SNRNP200: variants seen among roughly 807,000 people sequenced by gnomAD.
The protein encoded by SNRNP200 is U5 small nuclear ribonucleoprotein 200 kDa helicase.
Under a neutral mutation model 255.2 loss-of-function variants are expected in SNRNP200, and 66 were observed. That is an observed-to-expected ratio of 0.26 (90% CI 0.21 to 0.32). The LOEUF (loss-of-function observed/expected upper bound fraction) is 0.32, where lower values mean the gene tolerates loss of function less well. Ranked by LOEUF, SNRNP200 falls within the 10% of genes least tolerant of loss-of-function variation. The pLI is 1.00. For missense variants in SNRNP200, 1,585 were observed against 2,749.8 expected, an observed-to-expected ratio of 0.58 and a Z score of 9.47; for synonymous variants, 939 against 1,027.8, an observed-to-expected ratio of 0.91 and a Z score of 1.65.
In SNRNP200 at chr2:96,291,365, T is replaced by C. The variant is rs1318913598; in HGVS notation, c.2421+27A>G. On this transcript the variant is annotated intron_variant, in intron 18 of 44. Coordinates refer to ENST00000323853, the MANE Select transcript of SNRNP200 (RefSeq NM_014014.5). This position sits in a 1 kb window ranked among gnomAD's most constrained non-coding sequence, Gnocchi z 4.2. ...ATCTTCTGAAGTATGTCCCACCTGC[T>C]CCTCCAAACGCTTTGCACCCCCTCA... 1 of 1,239,014 alleles carries C rather than the reference T, an allele frequency of 8.1e-7. No individual in the cohort carries two copies. The highest frequency in any genetic ancestry group is 1.2e-6 in the Non-Finnish European group (1 of 837,142). The allele number at this position is 1,239,014 out of a possible 1,614,324, so 76.8% of individuals were successfully genotyped here.
chr2:96,292,385 GCTT>G (rs2063889599), intron 16 of SNRNP200, among the ~76,000 whole-genome samples: 1 of 152,266 alleles, frequency 6.6e-6, no homozygotes, highest in South Asian at 2.1e-4. Flanking sequence ...AAATTCATAT[GCTT>G]CTTTTCATCA....
In SNRNP200 at chr2:96,291,609, T is replaced by C; in HGVS notation, c.2311-107A>G. 8.0e-7 allele frequency: 1 copy of C among 1,243,578 alleles called. No homozygotes were observed. Among genetic ancestry groups the C allele is most frequent in the South Asian group, 1.2e-5 (1 of 83,606 alleles). 77.0% of individuals were successfully genotyped at this position (1,243,578 alleles called of 1,614,324 possible). ...CCTGCCCCTTAACTATTATGTGGAA[T>C]AGTAATAATCACATCCAGACAATCA... On this transcript the variant is annotated intron_variant, in intron 17 of 44. Transcript: ENST00000323853. This position sits in a 1 kb window ranked among gnomAD's most constrained non-coding sequence, Gnocchi z 4.2.
At chr2:96,276,863 G>C in intron 43 of SNRNP200, 41 bp downstream of exon 43, 7 of 1,590,208 alleles carry the variant, frequency 4.4e-6, no homozygotes, top group Non-Finnish European at 6.0e-6. Flanking sequence ...CCAATGGATA[G>C]GGTGAGTTGA....
chr2:96,297,286 G>T, intron 11 of SNRNP200, 77 bp downstream of exon 11: 1 of 1,577,730 alleles, frequency 6.3e-7, no homozygotes. Context: ...ATGAAACAAG[G>T]CTACATTTTG....
In SNRNP200 at chr2:96,296,581, G is replaced by A. The variant is rs1248689699; in HGVS notation, c.1626C>T (p.Ala542=). 1 of 1,613,984 alleles carries A rather than the reference G, an allele frequency of 6.2e-7. No homozygotes were observed. The highest frequency in any genetic ancestry group is 1.3e-5 in the African/African-American group (1 of 74,878). ...NVDDFKIIYI[A]PMRSLVQEMV... Reference sequence around the variant, plus strand: ...TCTCCTGCACCAAGGAGCGCATGGGGGCAATGTAGATAATCTTGAAGTCAT... The same window carrying A: ...TCTCCTGCACCAAGGAGCGCATGGGAGCAATGTAGATAATCTTGAAGTCAT... The change falls in exon 13 of 45, where the codon GCC becomes GCT. Residue 542 remains alanine (A), a synonymous_variant. Coordinates refer to ENST00000323853, the MANE Select transcript of SNRNP200 (RefSeq NM_014014.5).
chr2:96,278,141 G>A lies in SNRNP200; in HGVS notation c.5610+96C>T, dbSNP rs988693987. 2.0e-5 allele frequency: 32 copies of A among 1,588,070 alleles called. No individual in the cohort carries two copies. The highest frequency in any genetic ancestry group is 1.8e-4 in the East Asian group (8 of 44,754). Reference sequence around the variant, plus strand: ...ACATATGGCGGGGGTCGGGGGATGCGTATGGGCGTGTTGGTGGCAGGGATG... The same window carrying A: ...ACATATGGCGGGGGTCGGGGGATGCATATGGGCGTGTTGGTGGCAGGGATG... On this transcript the variant is annotated intron_variant, in intron 39 of 44. Coordinates refer to ENST00000323853, the MANE Select transcript of SNRNP200 (RefSeq NM_014014.5). The surrounding 1 kb of genome is among the most constrained non-coding windows in gnomAD (Gnocchi z 6.9).
intron 35 of SNRNP200, chr2:96,281,522 C>G: frequency 7.6e-6 from 3 of 396,876 alleles, no homozygotes; most frequent in South Asian, 2.1e-5. Flanking sequence ...GACCAAGTCA[C>G]TTTTCCTAAT....
Position 96,301,686 on chromosome 2 carries a change from C to T in SNRNP200, c.412G>A (p.Glu138Lys). The T allele has an allele frequency of 6.2e-7, 1 of 1,614,196 alleles. No homozygotes were observed. The highest frequency in any genetic ancestry group is 1.1e-5 in the South Asian group (1 of 91,082). Residue 138 changes from glutamate (E) to lysine (K), a missense_variant, in exon 4 of 45, where the codon GAA becomes AAA. By Grantham distance (56) the Glu-to-Lys change is moderately conservative. Coordinates refer to ENST00000323853, the MANE Select transcript of SNRNP200 (RefSeq NM_014014.5). Reference protein sequence around the residue: ...PRDILCGAADEVLAVLKNEKL... With the variant: ...PRDILCGAADKVLAVLKNEKL... ...TCATTCTTTAGAACAGCTAGAACTT[C>T]ATCAGCTGCCCCACAAAGGATATCA...
At position 96,286,875 on chromosome 2, in the gene SNRNP200, C is replaced by A. The variant is rs769028716; in HGVS notation, c.3642G>T (p.Val1214=). The A allele has an allele frequency of 1.2e-6, 2 of 1,614,208 alleles. No individual in the cohort carries two copies. Among genetic ancestry groups the A allele is most frequent in the South Asian group, 2.2e-5 (2 of 91,082 alleles). The change falls in exon 28 of 45, where the codon GTG becomes GTT. Residue 1214 remains valine, a splice_region_variant and synonymous_variant. Coordinates refer to ENST00000323853, the MANE Select transcript of SNRNP200 (RefSeq NM_014014.5). This position sits in a 1 kb window ranked among gnomAD's most constrained non-coding sequence, Gnocchi z 4.8. ...ITPDFQWDEK[V]HGSSEAFWIL... Reference sequence around the variant, plus strand: ...TCCAAAAAGCCTCGGATGAACCATGCACCTGCCAACAGGAGCAAGGGTAAA... The same window carrying A: ...TCCAAAAAGCCTCGGATGAACCATGAACCTGCCAACAGGAGCAAGGGTAAA...
chr2:96,301,196 T>C (rs2063950178), intron 4 of SNRNP200, 143 bp from the exon 5 acceptor site: 2 of 774,168 alleles, frequency 2.6e-6, no homozygotes, highest in Non-Finnish European at 2.3e-6. Context: ...ATGATCAACA[T>C]GAGAGAGCCA....
In SNRNP200 at chr2:96,283,125, C is replaced by T; in HGVS notation, c.4915+76G>A. On this transcript the variant is annotated intron_variant, in intron 34 of 44. Transcript: ENST00000323853. The surrounding 1 kb of genome is among the most constrained non-coding windows in gnomAD (Gnocchi z 4.7). ...CTGGTATGCTGTAGAGAAAACACTG[C>T]CACCCGCACCCCTCAAGTTTAACAC... The T allele has an allele frequency of 1.9e-6, 3 of 1,569,082 alleles. No homozygotes were observed. Among genetic ancestry groups the T allele is most frequent in the Non-Finnish European group, 2.6e-6 (3 of 1,145,696 alleles).
Position 96,277,022 on chromosome 2 carries a change from G to A in SNRNP200, c.6093-37C>T, listed in dbSNP as rs1362904639. The A allele has an allele frequency of 5.6e-6, 9 of 1,613,512 alleles. No individual in the cohort carries two copies. The highest frequency in any genetic ancestry group is 1.7e-5 in the Admixed American group (1 of 60,010). On this transcript the variant is annotated intron_variant, in intron 42 of 44. Coordinates refer to ENST00000323853, the MANE Select transcript of SNRNP200 (RefSeq NM_014014.5). The surrounding 1 kb of genome is among the most constrained non-coding windows in gnomAD (Gnocchi z 4.4). ...GAGGAGGGGCGCACGTCAGTGATGG[G>A]GCAGTGGGCTCAGAGCACACTATTA...
At position 96,297,016 on chromosome 2, in the gene SNRNP200, A is replaced by G. The variant is rs373699900; in HGVS notation, c.1432T>C (p.Phe478Leu). 2 of 1,614,054 alleles carry G rather than the reference A, an allele frequency of 1.2e-6. No homozygotes were observed. Among genetic ancestry groups the G allele is most frequent in the African/African-American group, 2.7e-5 (2 of 74,930 alleles). ...PKYAQAGFEGFKTLNRIQSKL... is the reference protein window; with the variant it reads ...PKYAQAGFEGLKTLNRIQSKL... ...CTCTGGATCCGATTCAGTGTTTTGA[A>G]GCCCTCAAACCCAGCCTGGGCATAC... The change falls in exon 12 of 45, where the codon TTC becomes CTC. Residue 478 changes from phenylalanine to leucine, a missense_variant. By Grantham distance (22) the Phe-to-Leu change is conservative. Transcript: ENST00000323853.
rs747183842 is a variant in SNRNP200, at chr2:96,298,428, C to A, written c.983-8G>T. 1 of 1,613,984 alleles carries A rather than the reference C, an allele frequency of 6.2e-7. No individual in the cohort carries two copies. Among genetic ancestry groups the A allele is most frequent in the South Asian group, 1.1e-5 (1 of 91,076 alleles). ...GCAAGGTACAGTATAAAACTACCCA[C>A]AACAAAAGGAACAAAGGAAGTGAGG... On this transcript the variant is annotated splice_polypyrimidine_tract_variant and splice_region_variant and intron_variant, in intron 8 of 44. Transcript: ENST00000323853.
At position 96,284,390 on chromosome 2, in the gene SNRNP200, C is replaced by G. The variant is rs561328120; in HGVS notation, c.4360G>C (p.Asp1454His). The G allele has an allele frequency of 6.2e-7, 1 of 1,614,158 alleles. No homozygotes were observed. Among genetic ancestry groups the G allele is most frequent in the African/African-American group, 1.3e-5 (1 of 75,044 alleles). Residue 1454 changes from aspartate (D) to histidine (H), a missense_variant, in exon 31 of 45, where the codon GAT becomes CAT. Physicochemically the swap from Asp to His is moderately conservative, Grantham distance 81. Transcript: ENST00000323853. ...NVQNINLFVV[D>H]EVHLIGGENG... ...TCGCCCCCGATAAGGTGGACCTCAT[C>G]CACCACGAAGAGGTTGATGTTCTGC...
Position 96,291,685 on chromosome 2 carries a change from G to A in SNRNP200, c.2310+66C>T. On this transcript the variant is annotated intron_variant, in intron 17 of 44. Coordinates refer to ENST00000323853, the MANE Select transcript of SNRNP200 (RefSeq NM_014014.5). This position sits in a 1 kb window ranked among gnomAD's most constrained non-coding sequence, Gnocchi z 4.2. ...ACCACAGTACAGTCCTAGAGGAGCT[G>A]TCTGGGGCCTGAGATGGACACAGCT... The A allele has an allele frequency of 1.3e-6, 2 of 1,577,626 alleles. No individual in the cohort carries two copies. The highest frequency in any genetic ancestry group is 2.2e-5 in the East Asian group (1 of 44,720).
At chr2:96,276,860 A>C (rs781533468) in intron 43 of SNRNP200, 44 bp downstream of exon 43, 1 of 1,570,350 alleles carries the variant, frequency 6.4e-7, no homozygotes, top group Non-Finnish European at 8.8e-7. Flanking sequence ...TAGCCAATGG[A>C]TAGGGTGAGT....
At chr2:96,301,132 G>T in intron 4 of SNRNP200, 79 bp from the exon 5 acceptor site, 1 of 1,170,248 alleles carries the variant, frequency 8.5e-7, no homozygotes, top group Non-Finnish European at 1.3e-6. Flanking sequence ...TGTCCTCCCC[G>T]ACTACCTCTC....
intron 34 of SNRNP200, chr2:96,282,704 G>A (rs1343127339): frequency 1.2e-5 from 3 of 256,060 alleles, no homozygotes; most frequent in Admixed American, 5.0e-5. Context: ...TCACTCTCTC[G>A]GTCCTGACTC....
Sources: allele counts gnomAD v4.1 joint callset (sites outside exome capture counted in the v4.1 genomes callset), GRCh38; gene constraint gnomAD v4.1.1; non-coding constraint Gnocchi (gnomAD v3.1); transcripts MANE v1.5; gene names NCBI Gene and HGNC (gene_info 2026-07-23, HGNC 2026-07-21).